CNTNAP2: variants seen among roughly 807,000 people sequenced by gnomAD.
CNTNAP2 encodes contactin associated protein 2, also known as contactin-associated protein-like 2.
CNTNAP2 carries 98 observed loss-of-function variants against 155.2 expected under a neutral mutation model. The observed-to-expected ratio is 0.63, with a 90% confidence interval of 0.54 to 0.75. CNTNAP2 has a LOEUF of 0.75. CNTNAP2 is among the 30% of genes least tolerant of loss of function. The pLI is 0.00. For synonymous variants in CNTNAP2, 651 were observed against 631.2 expected, an observed-to-expected ratio of 1.03 and a Z score of -0.47; for missense variants, 1,727 against 1,688.1, an observed-to-expected ratio of 1.02 and a Z score of -0.40.
At chr7:147,215,601 C>T (rs1305972829) in intron 8 of CNTNAP2, among the ~76,000 whole-genome samples, 1 of 152,144 alleles carries the variant, frequency 6.6e-6, no homozygotes, top group Non-Finnish European at 1.5e-5. Context: ...TGCAAGAAAT[C>T]TTCATTGCTT....
chr7:148,069,671 A>G (rs1052701574), intron 15 of CNTNAP2, among the ~76,000 whole-genome samples: 13 of 151,764 alleles, frequency 8.6e-5, no homozygotes, highest in African/African-American at 3.1e-4. Context: ...GAGACAGGAG[A>G]ATGGCGTGAA....
intron 8 of CNTNAP2, among the ~76,000 whole-genome samples, chr7:147,255,100 G>A (rs1804292202): frequency 6.6e-6 from 1 of 152,130 alleles, no homozygotes; most frequent in Non-Finnish European, 1.5e-5. Flanking sequence ...CAAGTAAAAT[G>A]AGTTCTATTT....
chr7:146,517,671 A>G (rs1053306271), intron 1 of CNTNAP2, among the ~76,000 whole-genome samples: 4 of 151,878 alleles, frequency 2.6e-5, no homozygotes, highest in Admixed American at 2.0e-4. Flanking sequence ...TTAAAAGATC[A>G]CTTTGGCAGG....
At chr7:147,872,087 A>G (rs950633150) in intron 13 of CNTNAP2, among the ~76,000 whole-genome samples, 13 of 152,198 alleles carry the variant, frequency 8.5e-5, no homozygotes, top group African/African-American at 2.7e-4. Flanking sequence ...ACATTCTTTG[A>G]CTATCACAAA....
At chr7:147,489,016 T>C (rs1368827529) in intron 11 of CNTNAP2, among the ~76,000 whole-genome samples, 1 of 152,214 alleles carries the variant, frequency 6.6e-6, no homozygotes, top group South Asian at 2.1e-4. Flanking sequence ...TCTATACCAA[T>C]AATTGCCCAA....
At chr7:146,439,535 G>GT (rs1360653443) in intron 1 of CNTNAP2, among the ~76,000 whole-genome samples, 4 of 151,200 alleles carry the variant, frequency 2.6e-5, no homozygotes, top group Non-Finnish European at 5.9e-5. Context: ...TTTGAAAATT[G>GT]TATGTTCTGT....
intron 1 of CNTNAP2, among the ~76,000 whole-genome samples, chr7:146,274,772 A>G (rs1213407765): frequency 1.3e-5 from 2 of 152,088 alleles, no homozygotes; most frequent in East Asian, 3.9e-4. Context: ...ACTTTGTGTC[A>G]GGTGTGATTC....
At chr7:146,858,898 A>G (rs1057141760) in intron 3 of CNTNAP2, among the ~76,000 whole-genome samples, 6 of 152,190 alleles carry the variant, frequency 3.9e-5, no homozygotes, top group African/African-American at 7.2e-5. Context: ...GTCAGCATAA[A>G]TGCCTTTCTT....
At chr7:147,514,380 T>C (rs1191524355) in intron 11 of CNTNAP2, among the ~76,000 whole-genome samples, 2 of 151,986 alleles carry the variant, frequency 1.3e-5, no homozygotes, top group Non-Finnish European at 2.9e-5. Context: ...TTTATATATT[T>C]AAATGTGTAT....
chr7:147,877,275 C>CT (rs1233614016), intron 13 of CNTNAP2, among the ~76,000 whole-genome samples: 1 of 152,108 alleles, frequency 6.6e-6, no homozygotes, highest in Non-Finnish European at 1.5e-5. Context: ...CTGCCAGAGC[C>CT]TTTTTGTTTT....
chr7:147,319,904 T>C (rs550917980), intron 9 of CNTNAP2, among the ~76,000 whole-genome samples: 10 of 152,284 alleles, frequency 6.6e-5, no homozygotes, highest in Non-Finnish European at 8.8e-5. Flanking sequence ...CTCTTTTATA[T>C]AGGGTCATAT....
chr7:147,910,827 A>G (rs1800051526), intron 14 of CNTNAP2, among the ~76,000 whole-genome samples: 1 of 152,176 alleles, frequency 6.6e-6, no homozygotes, highest in African/African-American at 2.4e-5. Flanking sequence ...TGTGGGGATT[A>G]TTACACCTCT....
intron 10 of CNTNAP2, among the ~76,000 whole-genome samples, chr7:147,417,036 C>A (rs926937019): frequency 6.6e-6 from 1 of 151,058 alleles, no homozygotes; most frequent in Non-Finnish European, 1.5e-5. Context: ...TTGCAGTGAG[C>A]CGAGATTGCG....
intron 1 of CNTNAP2, among the ~76,000 whole-genome samples, chr7:146,737,845 A>G (rs1801647210): frequency 1.3e-5 from 2 of 151,982 alleles, no homozygotes. Flanking sequence ...GGTGAATTGT[A>G]TTCTATTGTG....
intron 13 of CNTNAP2, among the ~76,000 whole-genome samples, chr7:147,811,030 T>C (rs1798171542): frequency 6.6e-6 from 1 of 152,238 alleles, no homozygotes; most frequent in Non-Finnish European, 1.5e-5. Flanking sequence ...GAAGTAGGCA[T>C]GTAACCTTAG....
intron 3 of CNTNAP2, among the ~76,000 whole-genome samples, chr7:146,863,238 T>A (rs2129205598): frequency 6.6e-6 from 1 of 152,276 alleles, no homozygotes; most frequent in South Asian, 2.1e-4. Context: ...ACTGAAAAGT[T>A]TAATGTTTTC....
Position 146,929,782 on chromosome 7 carries a change from C to T in CNTNAP2, c.402+89878C>T, listed in dbSNP as rs181759536. Among the ~76,000 whole-genome samples, 622 of 152,084 alleles carry T rather than the reference C, an allele frequency of 4.1e-3. 1 individual carries two copies. The highest frequency in any genetic ancestry group is 5.7e-3 in the Non-Finnish European group (388 of 68,014). ...GCTGAAAGCCAAGGCTCGAGAACTA[C>T]GTGAAGAATGCAGAAGCCTCAGGAG... is the stretch of plus-strand genomic sequence containing the variant. On this transcript the variant is annotated intron_variant, in intron 3 of 23. Transcript: ENST00000361727.
intron 1 of CNTNAP2, among the ~76,000 whole-genome samples, chr7:146,284,273 G>A (rs1800294048): frequency 1.3e-5 from 2 of 152,116 alleles, no homozygotes; most frequent in Admixed American, 6.5e-5. Context: ...GATGAGTAAT[G>A]TAGCGCCAAA....
At chr7:146,258,939 C>A (rs1008551626) in intron 1 of CNTNAP2, among the ~76,000 whole-genome samples, 1 of 152,126 alleles carries the variant, frequency 6.6e-6, no homozygotes, top group Admixed American at 6.5e-5. Context: ...CTACCCAAGT[C>A]TCATGTCAAG....
Sources: gnomAD v4.1 joint callset for allele counts (sites outside exome capture counted in the v4.1 genomes callset) on GRCh38, gnomAD v4.1.1 for gene constraint, MANE v1.5 for transcripts, NCBI Gene and HGNC (gene_info 2026-07-23, HGNC 2026-07-21) for gene names.